CASK: variants seen among roughly 807,000 people sequenced by gnomAD.
The protein encoded by CASK is peripheral plasma membrane protein CASK.
In CASK, 4 loss-of-function variants were observed where a neutral mutation model predicts 82.9. The ratio of observed to expected loss-of-function variants is 0.05; its 90% confidence interval spans 0.02 to 0.11. The LOEUF (loss-of-function observed/expected upper bound fraction) is 0.11, where lower values mean the gene tolerates loss of function less well. Ranked by LOEUF, CASK falls within the 10% of genes least tolerant of loss-of-function variation. CASK has a pLI of 1.00. For missense variants in CASK, 358 were observed against 720.9 expected (o/e 0.50, Z 5.76); for synonymous variants, 259 against 253.5 (o/e 1.02, Z -0.20).
intron 14 of CASK, among the ~76,000 whole-genome samples, chrX:41,579,443 CT>C (rs1218425217): frequency 8.9e-6 from 1 of 111,838 alleles, no homozygotes; most frequent in Admixed American, 9.5e-5. Flanking sequence ...ACTGACATCT[CT>C]ATTTGTCAGC....
chrX:41,723,059 C>T (rs1395892033), intron 5 of CASK, among the ~76,000 whole-genome samples: 1 of 112,033 alleles, frequency 8.9e-6, no homozygotes, highest in South Asian at 3.7e-4. Flanking sequence ...TGAACAGCAG[C>T]AGAACACAAT....
chrX:41,534,804 A>G lies in CASK; in HGVS notation c.2237-18T>C. The G allele has an allele frequency of 3.4e-6, 4 of 1,178,566 alleles. No homozygotes were observed. The East Asian group carries it at 1.2e-4, about 35-fold the overall frequency. Reference sequence around the variant, plus strand: ...ATGTGCGCCTATGTCATTTAGAAAAAAAGAATGTTAAAACTGACAACTCTT... The same window carrying G: ...ATGTGCGCCTATGTCATTTAGAAAAGAAGAATGTTAAAACTGACAACTCTT... On this transcript the variant is annotated intron_variant, in intron 23 of 26. Coordinates refer to ENST00000378163, the MANE Select transcript of CASK (RefSeq NM_001367721.1).
chrX:41,749,376 A>ATT lies in CASK; in HGVS notation c.279-3777_279-3776dup, dbSNP rs35045589. Among the ~76,000 whole-genome samples, 120 of 72,382 alleles carry ATT rather than the reference A, an allele frequency of 1.7e-3. 7 individuals are homozygous for ATT. Among genetic ancestry groups the ATT allele is most frequent in the African/African-American group, 2.0e-3 (41 of 20,642 alleles). The allele number at this position is 72,382 out of a possible 115,157, so 62.9% of individuals were successfully genotyped here. ...AAAAAAATCTCATTATTCTTCACCA[A>ATT]TTTTTTTTTTTTTTTTTTTTTTTTT... On this transcript the variant is annotated intron_variant, in intron 3 of 26. Transcript: ENST00000378163.
intron 16 of CASK, among the ~76,000 whole-genome samples, chrX:41,565,842 T>C (rs897018005): frequency 2.7e-5 from 3 of 111,710 alleles, no homozygotes; most frequent in African/African-American, 9.8e-5. Flanking sequence ...CTCCATAAAA[T>C]ACTGGAACGT....
chrX:41,611,797 TG>T (rs2147284977), intron 11 of CASK, among the ~76,000 whole-genome samples: 1 of 109,804 alleles, frequency 9.1e-6, no homozygotes, highest in South Asian at 4.0e-4. Context: ...GCAACCTCCC[TG>T]CCTGATTCTC....
At chrX:41,633,157 G>A (rs1449626912) in intron 9 of CASK, among the ~76,000 whole-genome samples, 1 of 110,299 alleles carries the variant, frequency 9.1e-6, no homozygotes, top group Non-Finnish European at 1.9e-5. Flanking sequence ...ACTGAATCAC[G>A]TGGACTCGAC....
In CASK at chrX:41,797,527, A is replaced by G. The variant is rs1002031360; in HGVS notation, c.173-10244T>C. Among the ~76,000 whole-genome samples, 3 of 111,527 alleles carry G rather than the reference A, an allele frequency of 2.7e-5. No homozygotes were observed. In the Admixed American group the frequency reaches 2.9e-4, roughly 11 times the overall value. On this transcript the variant is annotated intron_variant, in intron 2 of 26. Transcript: ENST00000378163. ...TGCTAGAAGGCAACATCAAGCATACAGGACCCATTTACCCAACTTAGACTC... is the reference window on the plus strand; with the variant it reads ...TGCTAGAAGGCAACATCAAGCATACGGGACCCATTTACCCAACTTAGACTC...
At chrX:41,834,355 A>G (rs1013440830) in intron 2 of CASK, among the ~76,000 whole-genome samples, 3 of 112,073 alleles carry the variant, frequency 2.7e-5, no homozygotes, top group Non-Finnish European at 5.6e-5. Context: ...TTCTATGTCC[A>G]TTACAGACAT....
chrX:41,608,533 T>C (rs1035334398), intron 12 of CASK, among the ~76,000 whole-genome samples: 1 of 112,043 alleles, frequency 8.9e-6, no homozygotes, highest in African/African-American at 3.2e-5. Flanking sequence ...TATGATTCTC[T>C]CATTAAGGGA....
chrX:41,578,336 T>C lies in CASK; in HGVS notation c.1503+4A>G, dbSNP rs774367460. On this transcript the variant is annotated splice_donor_region_variant and intron_variant, in intron 15 of 26. Transcript: ENST00000378163. ...AGTATTGAAAACTTTCTCTTCCTAC[T>C]TACCATTGGTTCATCTGTGTTCTTT... The C allele has an allele frequency of 8.4e-7, 1 of 1,191,106 alleles. No individual in the cohort carries two copies. The highest frequency in any genetic ancestry group is 1.1e-6 in the Non-Finnish European group (1 of 877,066).
chrX:41,644,523 A>G (rs990277537), intron 8 of CASK, among the ~76,000 whole-genome samples: 4 of 111,812 alleles, frequency 3.6e-5, no homozygotes, highest in African/African-American at 1.3e-4. Flanking sequence ...TTAACTGCAC[A>G]AATTGTACAG....
At chrX:41,696,722 C>T (rs367614927) in intron 5 of CASK, 13 of 1,205,026 alleles carry the variant, frequency 1.1e-5, no homozygotes, top group Non-Finnish European at 1.5e-5. Context: ...AACCAGGATA[C>T]TCCCTGCATG....
chrX:41,738,839 G>A (rs2068546307), intron 5 of CASK, among the ~76,000 whole-genome samples: 1 of 111,543 alleles, frequency 9.0e-6, no homozygotes, highest in South Asian at 3.7e-4. Flanking sequence ...CAGGAACTGA[G>A]AGTTCTCATT....
intron 5 of CASK, among the ~76,000 whole-genome samples, chrX:41,714,763 G>C (rs2068033603): frequency 8.9e-6 from 1 of 111,864 alleles, no homozygotes; most frequent in Non-Finnish European, 1.9e-5. Context: ...GACATAAAAT[G>C]ATCTTGACAC....
Position 41,891,133 on chromosome X carries a change from G to T in CASK, c.59+31797C>A, listed in dbSNP as rs190381744. On this transcript the variant is annotated intron_variant, in intron 1 of 26. Transcript: ENST00000378163. Reference sequence around the variant, plus strand: ...TCGAACTCCTGACCTCAAGCGATCTGCCCACCTCGGCCTCCCAAAGTACTG... The same window carrying T: ...TCGAACTCCTGACCTCAAGCGATCTTCCCACCTCGGCCTCCCAAAGTACTG... Among the ~76,000 whole-genome samples, 42 of 109,673 alleles carry T rather than the reference G, an allele frequency of 3.8e-4. 1 individual carries two copies. Among genetic ancestry groups the T allele is most frequent in the African/African-American group, 1.4e-3 (42 of 30,034 alleles).
chrX:41,791,330 G>A (rs548236742), intron 2 of CASK, among the ~76,000 whole-genome samples: 26 of 104,860 alleles, frequency 2.5e-4, no homozygotes, highest in Middle Eastern at 4.7e-3. Context: ...AAAGTCCATC[G>A]TGTCATTCTT....
chrX:41,722,046 T>C (rs747815804), intron 5 of CASK, among the ~76,000 whole-genome samples: 1 of 112,403 alleles, frequency 8.9e-6, no homozygotes, highest in Non-Finnish European at 1.9e-5. Context: ...AGGAACATAG[T>C]AGAAACTCCA....
At chrX:41,703,578 G>A (rs1448362840) in intron 5 of CASK, among the ~76,000 whole-genome samples, 1 of 112,129 alleles carries the variant, frequency 8.9e-6, no homozygotes, top group East Asian at 2.8e-4. Context: ...AATAAACAAT[G>A]GTTCATTTCT....
At chrX:41,861,758 T>C (rs1383110910) in intron 1 of CASK, among the ~76,000 whole-genome samples, 2 of 103,466 alleles carry the variant, frequency 1.9e-5, no homozygotes, top group Non-Finnish European at 3.9e-5. Context: ...TACATGTATA[T>C]ATACACATAT....
Sources: allele counts gnomAD v4.1 joint callset (sites outside exome capture counted in the v4.1 genomes callset), GRCh38; gene constraint gnomAD v4.1.1; transcripts MANE v1.5; gene names NCBI Gene and HGNC (gene_info 2026-07-23, HGNC 2026-07-21).